The following USH2A variants were observed in gnomAD, a reference collection of about 807,000 sequenced individuals.
USH2A encodes usherin, also known as Usher syndrome 2A (autosomal recessive, mild).
Under a neutral mutation model 538.9 loss-of-function variants are expected in USH2A, and 443 were observed. That is an observed-to-expected ratio of 0.82 (90% CI 0.76 to 0.89). USH2A has a LOEUF of 0.89. Ranked by LOEUF, USH2A falls within the 40% of genes least tolerant of loss-of-function variation. The probability of loss-of-function intolerance (pLI) is 0.00; values close to 1 mark genes in which losing one functional copy is unlikely to be tolerated. For missense variants in USH2A, 6,633 were observed against 6,324.8 expected, an observed-to-expected ratio of 1.05 and a Z score of -1.65; for synonymous variants, 2,413 against 2,273.5, an observed-to-expected ratio of 1.06 and a Z score of -1.75.
At chr1:216,275,455 C>T (rs2036654472) in intron 11 of USH2A, among the ~76,000 whole-genome samples, 1 of 152,004 alleles carries the variant, frequency 6.6e-6, no homozygotes, top group South Asian at 2.1e-4. Context: ...GAAAAGTTAA[C>T]TCATTTGGCT....
chr1:215,727,938 A>G (rs1659875582), intron 61 of USH2A, 92 bp downstream of exon 61: 1 of 1,431,442 alleles, frequency 7.0e-7, no homozygotes, highest in South Asian at 1.2e-5. Context: ...TTAAGCCCTA[A>G]GTGAAGAAAA....
chr1:216,418,543 C>G lies in USH2A; in HGVS notation c.622G>C (p.Val208Leu). 6.2e-7 allele frequency: 1 copy of G among 1,613,202 alleles called. No individual in the cohort carries two copies. The highest frequency in any genetic ancestry group is 8.5e-7 in the Non-Finnish European group (1 of 1,179,504). ...IKVMTLGRIL[V>L]KKWIHLSVQV... is the part of the protein sequence containing the mutation. ...ACACTAAGATGAATCCATTTCTTCA[C>G]AAGAATTCTCCCCAGTGTCATTACT... The change falls in exon 3 of 72, where the codon GTG (valine) becomes CTG (leucine). Residue 208 changes from valine (V) to leucine (L), a missense_variant. Physicochemically the swap from Val to Leu is conservative, Grantham distance 32. Coordinates refer to ENST00000307340, the MANE Select transcript of USH2A (RefSeq NM_206933.4).
chr1:215,902,738 G>A (rs1665533373), intron 38 of USH2A, among the ~76,000 whole-genome samples: 2 of 152,116 alleles, frequency 1.3e-5, no homozygotes, highest in Non-Finnish European at 2.9e-5. Flanking sequence ...CATGAGGGAG[G>A]TAGCCATCCG....
chr1:216,299,448 G>T lies in USH2A; in HGVS notation c.1645-7078C>A, dbSNP rs556518237. Reference sequence around the variant, plus strand: ...AAGAAGATAGAGACAGATGAGACAGGTTTACTAATAATAACAATAATATAA... The same window carrying T: ...AAGAAGATAGAGACAGATGAGACAGTTTTACTAATAATAACAATAATATAA... On this transcript the variant is annotated intron_variant, in intron 9 of 71. Coordinates refer to ENST00000307340, the MANE Select transcript of USH2A (RefSeq NM_206933.4). Among the ~76,000 whole-genome samples the T allele has an allele frequency of 3.3e-5, 5 of 152,102 alleles. No individual in the cohort carries two copies. The East Asian group carries it at 9.7e-4, about 29-fold the overall frequency.
chr1:215,691,085 T>C (rs1658588811), intron 61 of USH2A, among the ~76,000 whole-genome samples: 1 of 152,140 alleles, frequency 6.6e-6, no homozygotes, highest in Admixed American at 6.5e-5. Context: ...GGTTTCATCA[T>C]ATTGGCCAGG....
Position 216,324,317 on chromosome 1 carries a change from T to C in USH2A, c.1179A>G (p.Gln393=), listed in dbSNP as rs148447919. 9.5e-4 allele frequency: 1,531 copies of C among 1,612,760 alleles called. 2 individuals are homozygous for C. Among genetic ancestry groups the C allele is most frequent in the Admixed American group, 1.7e-3 (101 of 59,854 alleles). Residue 393 remains glutamine (Q), a synonymous_variant, in exon 7 of 72, where the codon CAA becomes CAG. Coordinates refer to ENST00000307340, the MANE Select transcript of USH2A (RefSeq NM_206933.4). ...TCCTTTGAATCCTTATTTCCGTTGG[T>C]TGTGGACTAAAGAACTGAATGATAA... ...FYIIIQFFSP[Q]PTEIRIQRKK...
At chr1:216,039,083 G>A (rs903020752) in intron 32 of USH2A, among the ~76,000 whole-genome samples, 1 of 151,976 alleles carries the variant, frequency 6.6e-6, no homozygotes, top group African/African-American at 2.4e-5. Context: ...CGACACTTAG[G>A]TTGTATTGTT....
chr1:216,279,492 T>C (rs568825161), intron 11 of USH2A, among the ~76,000 whole-genome samples: 2 of 152,236 alleles, frequency 1.3e-5, no homozygotes, highest in Admixed American at 6.5e-5. Flanking sequence ...TATACAGTGT[T>C]CTAACTCCTT....
At chr1:216,234,904 G>A (rs2035776793) in intron 13 of USH2A, among the ~76,000 whole-genome samples, 1 of 151,986 alleles carries the variant, frequency 6.6e-6, no homozygotes, top group South Asian at 2.1e-4. Flanking sequence ...AAGCACCTAG[G>A]GAGACTGAAA....
In USH2A at chr1:216,073,211, G is replaced by T; in HGVS notation, c.5662C>A (p.Leu1888Met). 6.2e-7 allele frequency: 1 copy of T among 1,613,894 alleles called. No individual in the cohort carries two copies. Among genetic ancestry groups the T allele is most frequent in the Non-Finnish European group, 8.5e-7 (1 of 1,179,948 alleles). Residue 1888 changes from leucine (L) to methionine (M), a missense_variant, in exon 28 of 72, where the codon CTG becomes ATG. By Grantham distance (15) the Leu-to-Met change is conservative. Transcript: ENST00000307340. ...SVSSGAVRVN[L>M]DGCLSTDSAV... ...CTGTCAGTTGATAGGCATCCATCCA[G>T]ATTGACTCTGACAGCACCGCTGGAC...
rs77444130 is a variant in USH2A, at chr1:215,720,609, A to G, written c.12066+7421T>C. On this transcript the variant is annotated intron_variant, in intron 61 of 71. Coordinates refer to ENST00000307340, the MANE Select transcript of USH2A (RefSeq NM_206933.4). ...TGTACCTTCATTATTTGGTGAAACC[A>G]AAGTTTTCTGCAATCCTAGTGGGTG... Among the ~76,000 whole-genome samples, 1,499 of 152,320 alleles carry G rather than the reference A, an allele frequency of 9.8e-3. 25 individuals carry two copies. Among genetic ancestry groups the G allele is most frequent in the African/African-American group, 0.034 (1,429 of 41,580 alleles).
Position 215,844,718 on chromosome 1 carries a change from G to A in USH2A, c.9056-222C>T, listed in dbSNP as rs112285425. On this transcript the variant is annotated intron_variant, in intron 45 of 71. Coordinates refer to ENST00000307340, the MANE Select transcript of USH2A (RefSeq NM_206933.4). ...TAAAATGCTTTATACCACCAGCATA[G>A]TGCTAATCTTCAATACTATGTGACC... Among the ~76,000 whole-genome samples the A allele has an allele frequency of 3.7e-3, 557 of 152,272 alleles. 3 individuals are homozygous for A. The highest frequency in any genetic ancestry group is 0.013 in the African/African-American group (529 of 41,552).
intron 69 of USH2A, among the ~76,000 whole-genome samples, chr1:215,635,962 G>C (rs1656468419): frequency 6.6e-6 from 1 of 151,870 alleles, no homozygotes; most frequent in African/African-American, 2.4e-5. Context: ...AGCTAAGCAG[G>C]GGTGCGGCAG....
chr1:216,149,934 T>C, intron 21 of USH2A, among the ~76,000 whole-genome samples: 1 of 152,058 alleles, frequency 6.6e-6, no homozygotes, highest in Non-Finnish European at 1.5e-5. Flanking sequence ...CTCCTCTTCC[T>C]CCTGGAAGTC....
At chr1:216,366,053 G>A (rs915537407) in intron 3 of USH2A, among the ~76,000 whole-genome samples, 1 of 152,100 alleles carries the variant, frequency 6.6e-6, no homozygotes, top group African/African-American at 2.4e-5. Context: ...AAACTAATCA[G>A]CTGTTTGGAC....
intron 38 of USH2A, among the ~76,000 whole-genome samples, chr1:215,923,398 C>A (rs1160420755): frequency 6.6e-6 from 1 of 152,100 alleles, no homozygotes. Flanking sequence ...GACTAAATTT[C>A]TCAGACTCTT....
intron 25 of USH2A, 63 bp downstream of exon 25, chr1:216,084,635 A>C (rs1346047040): frequency 6.4e-7 from 1 of 1,573,074 alleles, no homozygotes. Flanking sequence ...AGGAGAGATT[A>C]AATTATACAA....
rs35657853 is a variant in USH2A at position 215,863,649 on chromosome 1, AAGAGAGAG to A, written c.8845+3350_8845+3357del. Among the ~76,000 whole-genome samples, 4 of 141,162 alleles carry A rather than the reference AAGAGAGAG, an allele frequency of 2.8e-5. No homozygotes were observed. The East Asian group carries it at 8.9e-4, about 32-fold the overall frequency. 92.6% of individuals were successfully genotyped at this position (141,162 alleles called of 152,430 possible). A position where few individuals can be genotyped will look rare whatever the true frequency, so the allele number is the denominator to read the frequency against. ...TGAGGAAGGAAGGAAAATAGGAAGA[AAGAGAGAG>A]AGAGAGAGAGGGTAGAAGAAGAGAA... is the stretch of plus-strand genomic sequence containing the variant. On this transcript the variant is annotated intron_variant, in intron 44 of 71. Coordinates refer to ENST00000307340, the MANE Select transcript of USH2A (RefSeq NM_206933.4).
intron 67 of USH2A, among the ~76,000 whole-genome samples, chr1:215,644,877 G>A (rs967846958): frequency 6.6e-6 from 1 of 152,294 alleles, no homozygotes; most frequent in East Asian, 1.9e-4. Context: ...GGGAAGAGGA[G>A]CTTGTTTGCT....
Sources: allele counts gnomAD v4.1 joint callset (sites outside exome capture counted in the v4.1 genomes callset), GRCh38; gene constraint gnomAD v4.1.1; transcripts MANE v1.5; gene names NCBI Gene and HGNC (gene_info 2026-07-23, HGNC 2026-07-21).